C8A: variants seen among roughly 807,000 people sequenced by gnomAD.
The protein encoded by C8A is complement C8 alpha chain.
A neutral mutation model predicts 65.3 loss-of-function variants in C8A; 67 were observed. The observed-to-expected ratio is 1.03, with a 90% confidence interval of 0.84 to 1.26. C8A has a LOEUF of 1.26. Among genes scored for constraint, C8A ranks in the 50% most tolerant of loss-of-function variants. The pLI is 0.00. For synonymous variants in C8A, 290 were observed against 259.4 expected (o/e 1.12, Z -1.13); for missense variants, 781 against 723.9 (o/e 1.08, Z -0.90).
rs2101248248 is a variant in C8A, at chr1:56,886,117, G to A, written c.1046G>A (p.Gly349Asp). The change falls in exon 7 of 11, where the codon GGC becomes GAC. Residue 349 changes from glycine to aspartate, a missense_variant. Gly to Asp is a moderately conservative substitution (Grantham distance 94, BLOSUM62 -1). Coordinates refer to ENST00000361249, the MANE Select transcript of C8A (RefSeq NM_000562.3). ...TACATCACATCTGGATCCATGGGTG[G>A]CATTTATGAATATATCCTGGTGATT... Reference protein sequence around the residue: ...THYITSGSMGGIYEYILVIDK... With the variant: ...THYITSGSMGDIYEYILVIDK... 1.2e-6 allele frequency: 2 copies of A among 1,613,944 alleles called. No individual in the cohort carries two copies. Among genetic ancestry groups the A allele is most frequent in the Admixed American group, 1.7e-5 (1 of 59,986 alleles).
Position 56,906,778 on chromosome 1 carries a change from G to C in C8A, c.1208G>C (p.Gly403Ala), listed in dbSNP as rs2101296865. The change falls in exon 8 of 11, where the codon GGA (glycine) becomes GCA (alanine). Residue 403 changes from glycine (G) to alanine (A), a missense_variant. Coordinates refer to ENST00000361249, the MANE Select transcript of C8A (RefSeq NM_000562.3). ...TCAGGAGACCATTGTAAAAAATTTG[G>C]AGGTGGCAAAACTGGCAAGTGTTTA... ...GLSGDHCKKFGGGKTERARKA... is the reference protein window; with the variant it reads ...GLSGDHCKKFAGGKTERARKA... The C allele has an allele frequency of 1.2e-6, 2 of 1,614,116 alleles. No individual in the cohort carries two copies. Among genetic ancestry groups the C allele is most frequent in the South Asian group, 2.2e-5 (2 of 91,086 alleles).
chr1:56,875,651 T>C (rs147968832), intron 3 of C8A, among the ~76,000 whole-genome samples: 2 of 152,126 alleles, frequency 1.3e-5, no homozygotes, highest in East Asian at 3.9e-4. Context: ...GATCAGAGAC[T>C]CCCAATCAGC....
At chr1:56,890,370 T>G (rs574453642) in intron 7 of C8A, among the ~76,000 whole-genome samples, 2 of 152,288 alleles carry the variant, frequency 1.3e-5, no homozygotes, top group South Asian at 4.1e-4. Context: ...CACATGAGTA[T>G]CACATGTGAA....
chr1:56,901,531 T>C (rs920563597), intron 7 of C8A, among the ~76,000 whole-genome samples: 3 of 152,136 alleles, frequency 2.0e-5, no homozygotes, highest in Admixed American at 2.0e-4. Context: ...TTTGGGCTCC[T>C]AGCCTGTCAA....
chr1:56,898,913 A>G (rs1225559344), intron 7 of C8A, among the ~76,000 whole-genome samples: 1 of 152,160 alleles, frequency 6.6e-6, no homozygotes, highest in East Asian at 1.9e-4. Flanking sequence ...GTGGGCAGGA[A>G]TCTTATTGTA....
intron 1 of C8A, among the ~76,000 whole-genome samples, chr1:56,859,743 TAGTC>T (rs1409511413): frequency 7.0e-6 from 1 of 142,554 alleles, no homozygotes; most frequent in East Asian, 2.2e-4. Flanking sequence ...GCGATGGAGT[TAGTC>T]AATAAATATA....
At chr1:56,870,084 C>T (rs1176312534) in intron 2 of C8A, among the ~76,000 whole-genome samples, 1 of 152,110 alleles carries the variant, frequency 6.6e-6, no homozygotes, top group African/African-American at 2.4e-5. Flanking sequence ...CTGATCCCTA[C>T]GTGCTCATTT....
At chr1:56,869,096 T>G (rs2101203564) in intron 2 of C8A, among the ~76,000 whole-genome samples, 1 of 152,272 alleles carries the variant, frequency 6.6e-6, no homozygotes, top group African/African-American at 2.4e-5. Context: ...CGTGGTGATT[T>G]CTGAGATTTT....
chr1:56,857,303 TACACACAC>T (rs71048450), intron 1 of C8A, among the ~76,000 whole-genome samples: 3 of 148,792 alleles, frequency 2.0e-5, no homozygotes, highest in Non-Finnish European at 3.0e-5. Flanking sequence ...TGTTATTAAA[TACACACAC>T]ACACACACAC....
intron 7 of C8A, among the ~76,000 whole-genome samples, chr1:56,887,634 C>T: frequency 6.6e-6 from 1 of 152,122 alleles, no homozygotes; most frequent in East Asian, 1.9e-4. Context: ...CAAAATTTTT[C>T]TCCCATCCAA....
intron 8 of C8A, 54 bp from the exon 9 acceptor site, chr1:56,907,894 TGTCAACCA>T: frequency 6.3e-7 from 1 of 1,578,986 alleles, no homozygotes; most frequent in Admixed American, 1.7e-5. Flanking sequence ...TAGTGGGGTT[TGTCAACCA>T]GTCCTTGGGC....
chr1:56,909,314 G>A (rs1425438713), intron 9 of C8A, among the ~76,000 whole-genome samples: 5 of 152,108 alleles, frequency 3.3e-5, no homozygotes, highest in African/African-American at 1.2e-4. Flanking sequence ...TCCCAGATAT[G>A]GATATAGTCC....
At chr1:56,878,258 A>G (rs966861043) in intron 4 of C8A, among the ~76,000 whole-genome samples, 1 of 152,176 alleles carries the variant, frequency 6.6e-6, no homozygotes, top group Admixed American at 6.5e-5. Context: ...GTCTCCAAAT[A>G]TACTCACACT....
chr1:56,886,304 T>C, intron 7 of C8A, 137 bp downstream of exon 7: 2 of 995,106 alleles, frequency 2.0e-6, no homozygotes, highest in South Asian at 1.4e-5. Context: ...ATAGCATAAG[T>C]ATTATTACTC....
intron 9 of C8A, 81 bp downstream of exon 9, chr1:56,908,194 T>C: frequency 7.0e-7 from 1 of 1,432,044 alleles, no homozygotes; most frequent in Non-Finnish European, 9.8e-7. Context: ...ATATTTCTTA[T>C]TATGAGCCCA....
intron 7 of C8A, among the ~76,000 whole-genome samples, chr1:56,892,881 A>G (rs1644358973): frequency 6.6e-6 from 1 of 152,170 alleles, no homozygotes; most frequent in Non-Finnish European, 1.5e-5. Flanking sequence ...CACCTCTATC[A>G]GGGATGCTGT....
Position 56,917,805 on chromosome 1 carries a change from A to T in C8A, c.*89A>T. The T allele has an allele frequency of 6.6e-7, 1 of 1,512,468 alleles. No homozygotes were observed. Among genetic ancestry groups the T allele is most frequent in the Admixed American group, 1.8e-5 (1 of 57,134 alleles). 93.7% of individuals were successfully genotyped at this position (1,512,468 alleles called of 1,614,324 possible). A position where few individuals can be genotyped will look rare whatever the true frequency, so the allele number is the denominator to read the frequency against. ...AAAGACTTCTTTCAACTAAGAGAAG[A>T]TGCAAATCAGCACACTTTTTTCTTT... On this transcript the variant is annotated 3_prime_UTR_variant, in exon 11 of 11. Transcript: ENST00000361249.
In C8A at chr1:56,865,303, G is replaced by A. The variant is rs911137291; in HGVS notation, c.78-2306G>A. Among the ~76,000 whole-genome samples the A allele has an allele frequency of 7.2e-5, 11 of 152,214 alleles. No homozygotes were observed. In the East Asian group the frequency reaches 2.1e-3, roughly 29 times the overall value. ...AAGCAGCAAGCATTTATTCTTCACA[G>A]TTCTGGAGACTGGGAAGTCCAAGAT... is the stretch of plus-strand genomic sequence containing the variant. On this transcript the variant is annotated intron_variant, in intron 1 of 10. Coordinates refer to ENST00000361249, the MANE Select transcript of C8A (RefSeq NM_000562.3).
intron 9 of C8A, 129 bp from the exon 10 acceptor site, chr1:56,912,274 G>A: frequency 1.3e-6 from 1 of 747,348 alleles, no homozygotes; most frequent in East Asian, 2.7e-5. Flanking sequence ...AAGGTGGTGG[G>A]ATAAATTGGG....
Sources: gnomAD v4.1 joint callset for allele counts (sites outside exome capture counted in the v4.1 genomes callset) on GRCh38, gnomAD v4.1.1 for gene constraint, MANE v1.5 for transcripts, NCBI Gene and HGNC (gene_info 2026-07-23, HGNC 2026-07-21) for gene names.